NPSR1: variants seen among roughly 807,000 people sequenced by gnomAD.
NPSR1 encodes the protein neuropeptide S receptor 1.
Under a neutral mutation model 46.9 loss-of-function variants are expected in NPSR1, and 48 were observed. The observed-to-expected ratio is 1.02, with a 90% CI of 0.81 to 1.30. The LOEUF (loss-of-function observed/expected upper bound fraction) is 1.30. NPSR1 is among the 50% of genes most tolerant of loss of function. NPSR1 has a pLI of 0.00. For synonymous variants in NPSR1, 176 were observed against 168.1 expected (o/e 1.05, Z -0.36); for missense variants, 450 against 449.5 (o/e 1.00, Z -0.01).
At chr7:34,861,842 T>C (rs1009700616) in intron 8 of NPSR1, among the ~76,000 whole-genome samples, 6 of 151,838 alleles carry the variant, frequency 4.0e-5, no homozygotes, top group Admixed American at 3.9e-4. Context: ...GGGAATGTGA[T>C]ATCTCCACAG....
chr7:34,750,888 A>T, intron 2 of NPSR1: 1 of 713,302 alleles, frequency 1.4e-6, no homozygotes, highest in Non-Finnish European at 2.6e-6. Flanking sequence ...GAACTGCTTC[A>T]TAATGGTGTG....
At chr7:34,705,451 A>G (rs13241556) in intron 2 of NPSR1, among the ~76,000 whole-genome samples, 17,257 of 146,160 alleles carry the variant, frequency 0.12, 1,381 homozygotes, top group African/African-American at 0.23. Context: ...AAAAAAAAAA[A>G]AGAGAGAAAA....
chr7:34,736,874 C>T (rs1442611325), intron 2 of NPSR1, among the ~76,000 whole-genome samples: 1 of 152,102 alleles, frequency 6.6e-6, no homozygotes, highest in Non-Finnish European at 1.5e-5. Context: ...ATGCTTATTC[C>T]CTTACGGTTC....
At chr7:34,875,442 C>T in intron 8 of NPSR1, among the ~76,000 whole-genome samples, 1 of 152,212 alleles carries the variant, frequency 6.6e-6, no homozygotes, top group Middle Eastern at 3.2e-3. Context: ...GGCGCCCTAC[C>T]TCAAGGGTCT....
At chr7:34,751,961 G>A in intron 2 of NPSR1, 1 of 1,059,664 alleles carries the variant, frequency 9.4e-7, no homozygotes, top group Non-Finnish European at 1.5e-6. Flanking sequence ...GGTGACGTTT[G>A]CCCAGAGAAG....
At chr7:34,798,416 T>A (rs1365844243) in intron 3 of NPSR1, among the ~76,000 whole-genome samples, 4 of 152,036 alleles carry the variant, frequency 2.6e-5, no homozygotes, top group African/African-American at 9.7e-5. Context: ...GCACCTGTAA[T>A]CCCAGCTACT....
At chr7:34,671,646 C>A (rs981308876) in intron 1 of NPSR1, among the ~76,000 whole-genome samples, 2 of 152,092 alleles carry the variant, frequency 1.3e-5, no homozygotes, top group Admixed American at 6.6e-5. Flanking sequence ...ACCCAACCAC[C>A]CAACTTAGAT....
chr7:34,727,684 G>C (rs776524413), intron 2 of NPSR1, among the ~76,000 whole-genome samples: 56 of 152,184 alleles, frequency 3.7e-4, no homozygotes, highest in Admixed American at 2.1e-3. Flanking sequence ...TCAGTAAAGA[G>C]CATGTGGTTC....
At chr7:34,796,441 A>G (rs1788175197) in intron 3 of NPSR1, among the ~76,000 whole-genome samples, 1 of 152,228 alleles carries the variant, frequency 6.6e-6, no homozygotes, top group Non-Finnish European at 1.5e-5. Flanking sequence ...CTGATAAAAG[A>G]TTGTTATTCA....
intron 2 of NPSR1, among the ~76,000 whole-genome samples, chr7:34,707,123 A>G (rs913523570): frequency 1.1e-4 from 16 of 152,320 alleles, no homozygotes; most frequent in Admixed American, 7.2e-4. Flanking sequence ...CCTTTGCTTC[A>G]GAGCACAATA....
chr7:34,798,466 C>T (rs767513647), intron 3 of NPSR1, among the ~76,000 whole-genome samples: 22 of 152,020 alleles, frequency 1.4e-4, no homozygotes, highest in Non-Finnish European at 2.5e-4. Flanking sequence ...ACCCGGAAGG[C>T]GAAGGTTGCA....
chr7:34,770,352 T>C (rs1377963595), intron 2 of NPSR1, among the ~76,000 whole-genome samples: 1 of 152,218 alleles, frequency 6.6e-6, no homozygotes, highest in Non-Finnish European at 1.5e-5. Flanking sequence ...GTAAGGACTT[T>C]TCTTATAGCT....
Position 34,791,160 on chromosome 7 carries a change from A to ATATTATATATGT in NPSR1, c.384+12598_384+12599insTATATATGTTAT, listed in dbSNP as rs1562731212. ...TATTATATATAATATGTTATATATT[A>ATATTATATATGT]TATATGTTATATATTATATTATATA... On this transcript the variant is annotated intron_variant, in intron 3 of 8. Coordinates refer to ENST00000360581, the MANE Select transcript of NPSR1 (RefSeq NM_207172.2). Among the ~76,000 whole-genome samples, 45 of 102,242 alleles carry ATATTATATATGT rather than the reference A, an allele frequency of 4.4e-4. 2 individuals carry two copies. In the South Asian group the frequency reaches 4.8e-3, roughly 11 times the overall value. The allele number at this position is 102,242 out of a possible 152,430, so 67.1% of individuals were successfully genotyped here.
At chr7:34,829,895 G>A (rs1353462602) in intron 5 of NPSR1, among the ~76,000 whole-genome samples, 7 of 152,170 alleles carry the variant, frequency 4.6e-5, no homozygotes, top group Admixed American at 6.5e-5. Context: ...AGCCCGTGAC[G>A]GTCATGAAAA....
chr7:34,775,185 C>T (rs1296244168), intron 2 of NPSR1, among the ~76,000 whole-genome samples: 1 of 152,158 alleles, frequency 6.6e-6, no homozygotes, highest in Non-Finnish European at 1.5e-5. Context: ...ACAGAATGTT[C>T]AGATGGTCCA....
At chr7:34,827,060 C>T (rs765406897) in intron 4 of NPSR1, among the ~76,000 whole-genome samples, 4 of 152,148 alleles carry the variant, frequency 2.6e-5, no homozygotes, top group Non-Finnish European at 5.9e-5. Flanking sequence ...AGCATTTGCA[C>T]CGCAACTTAC....
chr7:34,727,889 AATAAT>A (rs1385477387), intron 2 of NPSR1, among the ~76,000 whole-genome samples: 1 of 152,198 alleles, frequency 6.6e-6, no homozygotes, highest in African/African-American at 2.4e-5. Context: ...TCGTTATTGA[AATAAT>A]ATAACATAAA....
intron 1 of NPSR1, among the ~76,000 whole-genome samples, chr7:34,683,612 G>T (rs1247182187): frequency 6.6e-6 from 1 of 152,112 alleles, no homozygotes; most frequent in African/African-American, 2.4e-5. Context: ...TACAGTGCCA[G>T]GGTCTGGGAA....
intron 1 of NPSR1, chr7:34,660,280 G>T: frequency 2.2e-6 from 1 of 448,684 alleles, no homozygotes; most frequent in Non-Finnish European, 4.5e-6. Context: ...TTCATTATTT[G>T]AGAGATACGT....
Sources: gnomAD v4.1 joint callset for allele counts (sites outside exome capture counted in the v4.1 genomes callset) on GRCh38, gnomAD v4.1.1 for gene constraint, MANE v1.5 for transcripts, NCBI Gene and HGNC (gene_info 2026-07-23, HGNC 2026-07-21) for gene names.